Variants in CDC73 observed in about 807,000 individuals in gnomAD.
CDC73 encodes the protein cell division cycle 73, also known as parafibromin.
In CDC73, 21 loss-of-function variants were observed where a neutral mutation model predicts 83.7. The observed-to-expected ratio is 0.25, with a 90% CI of 0.18 to 0.36. CDC73 has a LOEUF of 0.36. Ranked by LOEUF, CDC73 falls within the 10% of genes least tolerant of loss-of-function variation. CDC73 has a pLI of 1.00. For missense variants in CDC73, 342 were observed against 653.3 expected, an observed-to-expected ratio of 0.52 and a Z score of 5.19; for synonymous variants, 224 against 212.9, an observed-to-expected ratio of 1.05 and a Z score of -0.45.
At position 193,252,161 on chromosome 1, in the gene CDC73, A is replaced by G. The variant is rs1678053685; in HGVS notation, c.*1449A>G. ...CATGATATTTACAAGGCTCTTCAGA[A>G]GGGAACAGTCAGCATTTTAAATTAC... is the stretch of plus-strand genomic sequence containing the variant. On this transcript the variant is annotated 3_prime_UTR_variant, in exon 17 of 17. Coordinates refer to ENST00000367435, the MANE Select transcript of CDC73 (RefSeq NM_024529.5). The G allele has an allele frequency of 4.3e-6, 1 of 231,058 alleles. No homozygotes were observed. Among genetic ancestry groups the G allele is most frequent in the Admixed American group, 5.6e-5 (1 of 17,700 alleles). 14.3% of individuals were successfully genotyped at this position (231,058 alleles called of 1,614,324 possible).
At position 193,122,103 on chromosome 1, in the gene CDC73, A is replaced by G; in HGVS notation, c.-98A>G. On this transcript the variant is annotated 5_prime_UTR_variant, in exon 1 of 17. Transcript: ENST00000367435. ...CTGCTGTTGGTTCGTCGCGGCGGCG[A>G]AGGAGGAGGAGGAAGAGGGCGAGGC... is the stretch of plus-strand genomic sequence containing the variant. The G allele has an allele frequency of 8.2e-7, 1 of 1,219,540 alleles. No individual in the cohort carries two copies. Among genetic ancestry groups the G allele is most frequent in the East Asian group, 2.4e-5 (1 of 41,906 alleles). The allele number at this position is 1,219,540 out of a possible 1,614,324, so 75.5% of individuals were successfully genotyped here. A position where few individuals can be genotyped will look rare whatever the true frequency, so the allele number is the denominator to read the frequency against.
intron 10 of CDC73, among the ~76,000 whole-genome samples, chr1:193,165,304 T>C (rs1425134745): frequency 6.6e-6 from 1 of 152,236 alleles, no homozygotes; most frequent in African/African-American, 2.4e-5. Context: ...TTTAAGTGTT[T>C]CTTAGCATTG....
intron 3 of CDC73, among the ~76,000 whole-genome samples, chr1:193,131,738 T>C (rs1675697615): frequency 1.3e-5 from 2 of 152,224 alleles, no homozygotes; most frequent in Non-Finnish European, 2.9e-5. Flanking sequence ...CTCTACATTA[T>C]CACATGGCTC....
At chr1:193,150,132 G>A (rs1468991415) in intron 8 of CDC73, among the ~76,000 whole-genome samples, 172 bp from the exon 9 acceptor site, 1 of 152,046 alleles carries the variant, frequency 6.6e-6, no homozygotes, top group Non-Finnish European at 1.5e-5. Context: ...TTAGCTGAGT[G>A]TGGTGGTGCA....
At chr1:193,152,515 T>A in intron 10 of CDC73, 71 bp downstream of exon 10, 1 of 948,416 alleles carries the variant, frequency 1.1e-6, no homozygotes, top group Non-Finnish European at 1.7e-6. Context: ...TTGAAGTAAA[T>A]CTTTAGTCTC....
chr1:193,224,704 G>A (rs1677536478), intron 13 of CDC73, among the ~76,000 whole-genome samples: 1 of 151,994 alleles, frequency 6.6e-6, no homozygotes, highest in African/African-American at 2.4e-5. Flanking sequence ...ATGAGTACAA[G>A]TGCCATAATT....
intron 10 of CDC73, 80 bp downstream of exon 10, chr1:193,152,524 T>C: frequency 1.1e-6 from 1 of 916,418 alleles, no homozygotes; most frequent in Non-Finnish European, 1.8e-6. Flanking sequence ...ATCTTTAGTC[T>C]CTCATATTTT....
rs1013294305 is a variant in CDC73 at position 193,148,221 on chromosome 1, A to G, written c.828+256A>G. Among the ~76,000 whole-genome samples the G allele has an allele frequency of 3.9e-5, 6 of 152,172 alleles. No individual in the cohort carries two copies. The East Asian group carries it at 1.2e-3, about 29-fold the overall frequency. On this transcript the variant is annotated intron_variant, in intron 8 of 16. Coordinates refer to ENST00000367435, the MANE Select transcript of CDC73 (RefSeq NM_024529.5). ...AAAGGTTAATTAGGGAAAGCCCTCTATTTATTTTAGGTAAACTGTGGCTGG... is the reference window on the plus strand; with the variant it reads ...AAAGGTTAATTAGGGAAAGCCCTCTGTTTATTTTAGGTAAACTGTGGCTGG...
intron 8 of CDC73, 21 bp from the exon 9 acceptor site, chr1:193,150,283 T>C (rs762372824): frequency 5.3e-6 from 8 of 1,517,338 alleles, no homozygotes; most frequent in Non-Finnish European, 6.4e-6. Flanking sequence ...AACAAGTAAC[T>C]CATAATTAAT....
chr1:193,222,695 C>T (rs936716980), intron 13 of CDC73, among the ~76,000 whole-genome samples: 11 of 149,578 alleles, frequency 7.4e-5, no homozygotes, highest in South Asian at 2.1e-4. Flanking sequence ...ATTAAATCTG[C>T]GTATTGGTGT....
intron 10 of CDC73, among the ~76,000 whole-genome samples, chr1:193,162,685 A>G (rs1676360923): frequency 6.6e-6 from 1 of 152,028 alleles, no homozygotes; most frequent in Non-Finnish European, 1.5e-5. Flanking sequence ...ACATTTTTAC[A>G]CATTACAATT....
intron 10 of CDC73, among the ~76,000 whole-genome samples, chr1:193,199,124 C>G (rs537730900): frequency 6.6e-6 from 1 of 152,232 alleles, no homozygotes; most frequent in African/African-American, 2.4e-5. Flanking sequence ...ACATATACCT[C>G]AAGGTTATAA....
chr1:193,192,656 C>T (rs544772526), intron 10 of CDC73, among the ~76,000 whole-genome samples: 9 of 152,186 alleles, frequency 5.9e-5, no homozygotes, highest in South Asian at 2.1e-4. Flanking sequence ...CCAGGCTGCA[C>T]GATGGATGAA....
intron 10 of CDC73, among the ~76,000 whole-genome samples, chr1:193,178,884 G>A (rs750808634): frequency 4.1e-4 from 62 of 152,036 alleles, no homozygotes; most frequent in Non-Finnish European, 7.7e-4. Flanking sequence ...AAAAATGATT[G>A]TTATTAGAAT....
intron 1 of CDC73, 26 bp downstream of exon 1, chr1:193,122,357 G>A (rs1675467533): frequency 6.2e-7 from 1 of 1,613,710 alleles, no homozygotes. Flanking sequence ...CTGTGGCCCA[G>A]GGGTGGCAGG....
chr1:193,230,063 CA>C (rs1300433166), intron 13 of CDC73, among the ~76,000 whole-genome samples: 1 of 151,304 alleles, frequency 6.6e-6, no homozygotes, highest in Non-Finnish European at 1.5e-5. Context: ...GTTGTATATT[CA>C]AAAATACACT....
At chr1:193,208,961 A>G (rs527832172) in intron 11 of CDC73, among the ~76,000 whole-genome samples, 15 of 152,002 alleles carry the variant, frequency 9.9e-5, no homozygotes, top group Admixed American at 5.2e-4. Flanking sequence ...CATTATATCT[A>G]AAGGACACTT....
chr1:193,164,750 C>G (rs1297114792), intron 10 of CDC73, among the ~76,000 whole-genome samples: 2 of 152,100 alleles, frequency 1.3e-5, no homozygotes, highest in Non-Finnish European at 2.9e-5. Context: ...TTGTGTCTGA[C>G]TAATCCCTTG....
intron 10 of CDC73, among the ~76,000 whole-genome samples, chr1:193,203,440 A>G (rs1572196129): frequency 6.6e-6 from 1 of 152,308 alleles, no homozygotes; most frequent in Middle Eastern, 3.4e-3. Context: ...AGAAAAAAAG[A>G]TTGACTTGAT....
Sources: allele counts gnomAD v4.1 joint callset (sites outside exome capture counted in the v4.1 genomes callset), GRCh38; gene constraint gnomAD v4.1.1; transcripts MANE v1.5; gene names NCBI Gene and HGNC (gene_info 2026-07-23, HGNC 2026-07-21).